TCF4: variants seen among roughly 807,000 people sequenced by gnomAD.
TCF4 encodes the protein transcription factor 4.
In TCF4, 3 loss-of-function variants were observed where a neutral mutation model predicts 82.1. That is an observed-to-expected ratio of 0.04 (90% CI 0.02 to 0.09). The LOEUF is 0.09. Among genes scored for constraint, TCF4 ranks in the 10% least tolerant of loss-of-function variants. The pLI is 1.00. For synonymous variants in TCF4, 276 were observed against 309.6 expected, an observed-to-expected ratio of 0.89 and a Z score of 1.14; for missense variants, 518 against 852.7, an observed-to-expected ratio of 0.61 and a Z score of 4.89.
intron 6 of TCF4, among the ~76,000 whole-genome samples, chr18:55,353,626 T>C (rs1252061697): frequency 6.6e-6 from 1 of 152,186 alleles, no homozygotes; most frequent in African/African-American, 2.4e-5. Flanking sequence ...AGAGTATACT[T>C]ATAAAGCGAA....
At chr18:55,301,090 G>A (rs886426567) in intron 8 of TCF4, among the ~76,000 whole-genome samples, 2 of 152,070 alleles carry the variant, frequency 1.3e-5, no homozygotes, top group African/African-American at 4.8e-5. Flanking sequence ...TCCCACCAGT[G>A]AGATAGTGGG....
At chr18:55,402,076 C>A (rs774784905) in intron 6 of TCF4, 2 of 985,392 alleles carry the variant, frequency 2.0e-6, no homozygotes, top group Non-Finnish European at 2.4e-6. Flanking sequence ...GTTTCCGTTG[C>A]GCTGGAATGG....
At chr18:55,259,262 G>A (rs891685285) in intron 13 of TCF4, among the ~76,000 whole-genome samples, 1 of 152,130 alleles carries the variant, frequency 6.6e-6, no homozygotes, top group African/African-American at 2.4e-5. Flanking sequence ...AAAGAGCAGA[G>A]ACATGAACCA....
intron 5 of TCF4, among the ~76,000 whole-genome samples, chr18:55,449,612 T>C (rs1019498557): frequency 1.3e-5 from 2 of 152,230 alleles, no homozygotes; most frequent in Non-Finnish European, 2.9e-5. Flanking sequence ...CAGCTTGGTC[T>C]GAATAGCCAA....
intron 15 of TCF4, among the ~76,000 whole-genome samples, chr18:55,238,218 ATAGTC>A (rs1227464363): frequency 1.7e-4 from 26 of 152,382 alleles, no homozygotes; most frequent in African/African-American, 5.0e-4. Flanking sequence ...AGAGATAACA[ATAGTC>A]TAAAGTTAAA....
chr18:55,418,003 ATGTGTGTGTGTGTGTG>A (rs201657057), intron 5 of TCF4, among the ~76,000 whole-genome samples: 5 of 143,384 alleles, frequency 3.5e-5, no homozygotes, highest in East Asian at 2.1e-4. Context: ...TCTTGAGCAA[ATGTGTGTGTGTGTGTG>A]TGTGTGTGTG....
chr18:55,554,124 T>C (rs1164418415), intron 3 of TCF4, among the ~76,000 whole-genome samples: 2 of 152,242 alleles, frequency 1.3e-5, no homozygotes, highest in African/African-American at 4.8e-5. Context: ...AAAGTCAGCA[T>C]AGTATATTGA....
intron 5 of TCF4, among the ~76,000 whole-genome samples, chr18:55,417,391 T>C (rs2094560420): frequency 6.6e-6 from 1 of 152,252 alleles, no homozygotes; most frequent in African/African-American, 2.4e-5. Flanking sequence ...TTAGGATATT[T>C]AAATGAAAGT....
chr18:55,494,283 T>C (rs2096607659), intron 3 of TCF4, among the ~76,000 whole-genome samples: 1 of 147,824 alleles, frequency 6.8e-6, no homozygotes, highest in African/African-American at 2.5e-5. Flanking sequence ...ACTGTACATA[T>C]ATTCTATTTG....
intron 1 of TCF4, among the ~76,000 whole-genome samples, chr18:55,634,199 G>A (rs1439644873): frequency 6.6e-6 from 1 of 152,076 alleles, no homozygotes; most frequent in African/African-American, 2.4e-5. Context: ...AGCCCAGGAG[G>A]TGGAGGTTGC....
chr18:55,392,517 T>C (rs12607679), intron 6 of TCF4, among the ~76,000 whole-genome samples: 32,453 of 150,712 alleles, frequency 0.22, 4,167 homozygotes, highest in East Asian at 0.48. Context: ...TTCTACCTTC[T>C]CTATAACAGT....
chr18:55,407,496 T>A (rs1367718385), intron 5 of TCF4, among the ~76,000 whole-genome samples: 5 of 152,092 alleles, frequency 3.3e-5, no homozygotes, highest in Admixed American at 1.3e-4. Context: ...GAAGTCAACA[T>A]GTGTTCTGTC....
chr18:55,351,247 A>C, intron 6 of TCF4: 1 of 460,406 alleles, frequency 2.2e-6, no homozygotes, highest in South Asian at 2.3e-5. Context: ...ATATTTTTTT[A>C]AGTCTTTTAA....
intron 14 of TCF4, among the ~76,000 whole-genome samples, chr18:55,256,108 T>A (rs1207684758): frequency 1.3e-5 from 2 of 152,150 alleles, no homozygotes; most frequent in Non-Finnish European, 2.9e-5. Context: ...ACATACTTAC[T>A]TCTGAGTGTA....
chr18:55,237,472 T>TG (rs1568365672), intron 15 of TCF4, among the ~76,000 whole-genome samples: 3 of 149,540 alleles, frequency 2.0e-5, no homozygotes, highest in African/African-American at 7.4e-5. Flanking sequence ...TCTGACTTTT[T>TG]TTTTTTTTTT....
intron 6 of TCF4, chr18:55,401,929 G>A (rs1275358312): frequency 3.5e-5 from 30 of 855,762 alleles, no homozygotes; most frequent in Admixed American, 1.2e-4. Context: ...AATGACCTCC[G>A]CCTTGACCCT....
At chr18:55,309,280 T>C (rs1423144696) in intron 8 of TCF4, among the ~76,000 whole-genome samples, 1 of 66,028 alleles carries the variant, frequency 1.5e-5, no homozygotes, top group African/African-American at 6.3e-5. Context: ...CCTGGCTAAT[T>C]TTTTTTTTTT....
chr18:55,250,019 G>A (rs1178895907), intron 15 of TCF4, among the ~76,000 whole-genome samples: 2 of 152,134 alleles, frequency 1.3e-5, no homozygotes, highest in African/African-American at 4.8e-5. Context: ...GATTAATCAT[G>A]GAGGTCTCTG....
At chr18:55,249,495 A>G (rs552582168) in intron 15 of TCF4, among the ~76,000 whole-genome samples, 1 of 152,156 alleles carries the variant, frequency 6.6e-6, no homozygotes, top group Admixed American at 6.5e-5. Flanking sequence ...CCCTAAGTCA[A>G]CTGGAGATGA....
Sources: gnomAD v4.1 joint callset for allele counts (sites outside exome capture counted in the v4.1 genomes callset) on GRCh38, gnomAD v4.1.1 for gene constraint, MANE v1.5 for transcripts, NCBI Gene and HGNC (gene_info 2026-07-23, HGNC 2026-07-21) for gene names.